Variants in EXOSC10 observed in about 807,000 individuals in gnomAD.
EXOSC10 encodes exosome component 10.
A neutral mutation model predicts 126.6 loss-of-function variants in EXOSC10; 94 were observed. The observed-to-expected ratio is 0.74, with a 90% CI of 0.63 to 0.88. The LOEUF is 0.88. Among genes scored for constraint, EXOSC10 ranks in the 40% least tolerant of loss-of-function variants. EXOSC10 has a pLI of 0.00. For missense variants in EXOSC10, 1,041 were observed against 1,100.5 expected, an observed-to-expected ratio of 0.95 and a Z score of 0.77; for synonymous variants, 395 against 400.8, an observed-to-expected ratio of 0.99 and a Z score of 0.17.
chr1:11,086,105 G>A (rs1426508894), intron 9 of EXOSC10, among the ~76,000 whole-genome samples: 2 of 150,704 alleles, frequency 1.3e-5, no homozygotes, highest in Non-Finnish European at 3.0e-5. Flanking sequence ...GTCTCTGCCC[G>A]GCTTTGGTAT....
chr1:11,081,037 C>A, intron 11 of EXOSC10, 45 bp downstream of exon 11: 1 of 1,605,654 alleles, frequency 6.2e-7, no homozygotes, highest in South Asian at 1.1e-5. Context: ...TGGCCAGACA[C>A]AGAGCCCAAG....
chr1:11,091,518 G>A lies in EXOSC10; in HGVS notation c.452C>T (p.Thr151Met), dbSNP rs373477035. 8 of 1,614,106 alleles carry A rather than the reference G, an allele frequency of 5.0e-6. No homozygotes were observed. The highest frequency in any genetic ancestry group is 2.2e-5 in the East Asian group (1 of 44,880). ...CTTACGGTTCCAGCTGGACACTACC[G>A]TTTTGGGGACCTGCAAGCCGGCAGG... Reference protein sequence around the residue: ...VLPAGLQVPKTVVSSWNRKAA... With the variant: ...VLPAGLQVPKMVVSSWNRKAA... Residue 151 changes from threonine to methionine, a missense_variant, in exon 4 of 25, where the codon ACG becomes ATG. Coordinates refer to ENST00000376936, the MANE Select transcript of EXOSC10 (RefSeq NM_001001998.3).
chr1:11,071,723 G>C, intron 20 of EXOSC10: 1 of 191,870 alleles, frequency 5.2e-6, no homozygotes, highest in Non-Finnish European at 1.1e-5. Context: ...CTCTGCTCAT[G>C]CAGGCCCACT....
At chr1:11,068,151 C>G in intron 23 of EXOSC10, 67 bp from the exon 24 acceptor site, 1 of 1,320,906 alleles carries the variant, frequency 7.6e-7, no homozygotes, top group Admixed American at 1.7e-5. Flanking sequence ...GAAAAACACA[C>G]CTGAGCTCAG....
chr1:11,070,896 A>G lies in EXOSC10; in HGVS notation c.2316+4T>C, dbSNP rs770193516. 51 of 1,613,292 alleles carry G rather than the reference A, an allele frequency of 3.2e-5. No individual in the cohort carries two copies. In the South Asian group the frequency reaches 4.4e-4, roughly 14 times the overall value. ...AAGGAAAAAGGAGAAAAGCTGGCAC[A>G]TACCACGACCTGCTGTCGGACGGAG... On this transcript the variant is annotated splice_donor_region_variant and intron_variant, in intron 21 of 24. Coordinates refer to ENST00000376936, the MANE Select transcript of EXOSC10 (RefSeq NM_001001998.3).
chr1:11,085,477 T>A (rs1640440708), intron 9 of EXOSC10, among the ~76,000 whole-genome samples: 1 of 152,246 alleles, frequency 6.6e-6, no homozygotes, highest in East Asian at 1.9e-4. Flanking sequence ...TTTTGTATCC[T>A]GAGACTTTGC....
In EXOSC10 at chr1:11,081,081, C is replaced by T. The variant is rs1394090205; in HGVS notation, c.1437+1G>A. ...TCTGTGTGACTGCGGCTGAGGTGTA[C>T]CTTGAGGCAGATGTCCCTGCTCCGT... On this transcript the variant is annotated splice_donor_variant, in intron 11 of 24. Transcript: ENST00000376936. LOFTEE classifies it high-confidence loss of function. 2 of 1,613,924 alleles carry T rather than the reference C, an allele frequency of 1.2e-6. No homozygotes were observed. The highest frequency in any genetic ancestry group is 1.7e-6 in the Non-Finnish European group (2 of 1,179,994).
chr1:11,076,995 T>A (rs369031958), intron 16 of EXOSC10, 47 bp from the exon 17 acceptor site: 14 of 1,497,782 alleles, frequency 9.3e-6, no homozygotes, highest in Non-Finnish European at 1.2e-5. Flanking sequence ...GAATTTTGTT[T>A]ATTTTTTCTT....
intron 12 of EXOSC10, 27 bp downstream of exon 12, chr1:11,080,737 G>A (rs1640117023): frequency 1.2e-6 from 2 of 1,613,466 alleles, no homozygotes; most frequent in Admixed American, 1.7e-5. Context: ...CTGGAAACAA[G>A]TATTAAAAGA....
chr1:11,099,620 G>C (rs1308967969), intron 1 of EXOSC10, 101 bp downstream of exon 1: 6 of 1,321,120 alleles, frequency 4.5e-6, no homozygotes, highest in Non-Finnish European at 6.1e-6. Context: ...ACCCTCGCTC[G>C]GGCTCCACTA....
In EXOSC10 at chr1:11,072,182, A is replaced by T. The variant is rs1342906798; in HGVS notation, c.2158-11T>A. ...CCAGCGGTTGCTGATCTATAATGAA[A>T]GCAAATATAACAAAAAAAACCCTCC... On this transcript the variant is annotated splice_polypyrimidine_tract_variant and intron_variant, in intron 19 of 24. Transcript: ENST00000376936. 6.3e-7 allele frequency: 1 copy of T among 1,599,372 alleles called. No homozygotes were observed. Among genetic ancestry groups the T allele is most frequent in the Non-Finnish European group, 8.5e-7 (1 of 1,172,214 alleles).
intron 9 of EXOSC10, among the ~76,000 whole-genome samples, chr1:11,083,119 T>C (rs1253466997): frequency 6.6e-6 from 1 of 152,130 alleles, no homozygotes; most frequent in Non-Finnish European, 1.5e-5. Flanking sequence ...AGCTAAACTT[T>C]GGTATTTTTT....
intron 10 of EXOSC10, 99 bp downstream of exon 10, chr1:11,082,589 G>A (rs965439421): frequency 5.2e-6 from 8 of 1,541,390 alleles, no homozygotes; most frequent in African/African-American, 4.1e-5. Context: ...TCATCTCAAT[G>A]AGCGTGGTAG....
rs569895328 is a variant in EXOSC10 at position 11,078,299 on chromosome 1, C to T, written c.1750-648G>A. 1.5e-4 allele frequency among the ~76,000 whole-genome samples: 22 copies of T among 148,576 alleles called. No individual in the cohort carries two copies. In the South Asian group the frequency reaches 4.8e-3, roughly 33 times the overall value. On this transcript the variant is annotated intron_variant, in intron 14 of 24. Transcript: ENST00000376936. ...TTGAGACGGAGTCTCGCTCTGTCGC[C>T]CAGACTGGAGTGCAGTGGCGGGATC...
chr1:11,087,081 A>C (rs182661193), intron 9 of EXOSC10, among the ~76,000 whole-genome samples: 1 of 152,348 alleles, frequency 6.6e-6, no homozygotes, highest in Admixed American at 6.5e-5. Context: ...TTTTGTCTTC[A>C]GTCACAGCTT....
intron 6 of EXOSC10, among the ~76,000 whole-genome samples, chr1:11,089,844 A>AGAGGC (rs895576338): frequency 1.3e-5 from 2 of 151,796 alleles, no homozygotes; most frequent in Non-Finnish European, 2.9e-5. Context: ...CTTGGGAGGC[A>AGAGGC]GAGGCAGGAG....
At chr1:11,088,371 A>AT (rs772778251) in intron 6 of EXOSC10, among the ~76,000 whole-genome samples, 173 bp from the exon 7 acceptor site, 6 of 152,340 alleles carry the variant, frequency 3.9e-5, no homozygotes, top group Non-Finnish European at 5.9e-5. Context: ...AAATCAGATG[A>AT]TATTTGCTCA....
In EXOSC10 at chr1:11,088,132, T is replaced by G; in HGVS notation, c.825A>C (p.Pro275=). 6.2e-7 allele frequency: 1 copy of G among 1,613,550 alleles called. No homozygotes were observed. The change falls in exon 7 of 25, where the codon CCA becomes CCC. Residue 275 remains proline (P), a synonymous_variant. Coordinates refer to ENST00000376936, the MANE Select transcript of EXOSC10 (RefSeq NM_001001998.3). ...FTPADAVLQK[P]QPQLYRPIEE... ...AAGGCTGGGTACTAACCTGGGGTTG[T>G]GGCTTTTGAAGCACTGCATCTGCTG...
Position 11,099,808 on chromosome 1 carries a change from C to A in EXOSC10, c.24G>T (p.Glu8Asp), listed in dbSNP as rs772299475. 3.1e-6 allele frequency: 5 copies of A among 1,611,186 alleles called. No individual in the cohort carries two copies. The highest frequency in any genetic ancestry group is 1.3e-5 in the African/African-American group (1 of 74,780). Residue 8 changes from glutamate (E) to aspartate (D), a missense_variant, in exon 1 of 25, where the codon GAG becomes GAT. This residue lies in a region of EXOSC10 where 645 missense variants were observed against 656.3 expected (regional missense o/e 0.98). Coordinates refer to ENST00000376936, the MANE Select transcript of EXOSC10 (RefSeq NM_001001998.3). MAPPSTR[E>D]PRVLSATSAT... ...CGCTGGTCGCCGACAGGACCCTGGG[C>A]TCCCGGGTACTGGGTGGCGCCATTT... is the stretch of plus-strand genomic sequence containing the variant.
Sources: gnomAD v4.1 joint callset for allele counts (sites outside exome capture counted in the v4.1 genomes callset) on GRCh38, gnomAD v4.1.1 for gene constraint, gnomAD v4.1.1 regional missense constraint, MANE v1.5 for transcripts, NCBI Gene and HGNC (gene_info 2026-07-23, HGNC 2026-07-21) for gene names.